The following AGBL4 variants were observed in gnomAD, a reference collection of about 807,000 sequenced individuals.
AGBL4 encodes the protein cytosolic carboxypeptidase 6.
In AGBL4, 58 loss-of-function variants were observed where a neutral mutation model predicts 66.4. That is an observed-to-expected ratio of 0.87 (90% CI 0.71 to 1.09). AGBL4 has a LOEUF of 1.09. Ranked by LOEUF, AGBL4 falls within the 50% of genes least tolerant of loss-of-function variation. AGBL4 has a pLI of 0.00. For missense variants in AGBL4, 579 were observed against 631.0 expected (o/e 0.92, Z 0.88); for synonymous variants, 234 against 222.9 (o/e 1.05, Z -0.44).
chr1:49,808,993 T>C (rs2147965208), intron 2 of AGBL4, among the ~76,000 whole-genome samples: 1 of 152,254 alleles, frequency 6.6e-6, no homozygotes, highest in South Asian at 2.1e-4. Flanking sequence ...AAAATTAACA[T>C]GGAAAAATCT....
At chr1:49,110,162 G>A (rs1384264818) in intron 4 of AGBL4, among the ~76,000 whole-genome samples, 2 of 152,050 alleles carry the variant, frequency 1.3e-5, no homozygotes, top group African/African-American at 4.8e-5. Flanking sequence ...TCCCTTCAAT[G>A]TCCACATTTA....
At chr1:48,548,140 G>A (rs1644193835) in intron 11 of AGBL4, among the ~76,000 whole-genome samples, 1 of 152,156 alleles carries the variant, frequency 6.6e-6, no homozygotes, top group African/African-American at 2.4e-5. Context: ...GAAACAAGCT[G>A]TAGACCTAAT....
At chr1:48,553,274 G>T (rs1258138767) in intron 11 of AGBL4, among the ~76,000 whole-genome samples, 1 of 152,198 alleles carries the variant, frequency 6.6e-6, no homozygotes, top group African/African-American at 2.4e-5. Flanking sequence ...TTCAACCTGA[G>T]AGGGGGCTCT....
At chr1:49,578,726 C>G (rs185610274) in intron 3 of AGBL4, among the ~76,000 whole-genome samples, 2 of 152,070 alleles carry the variant, frequency 1.3e-5, no homozygotes, top group South Asian at 2.1e-4. Context: ...TATGAAGGAT[C>G]GTTGTATTAT....
At chr1:48,764,985 C>G (rs1466587523) in intron 6 of AGBL4, among the ~76,000 whole-genome samples, 1 of 152,134 alleles carries the variant, frequency 6.6e-6, no homozygotes, top group East Asian at 1.9e-4. Flanking sequence ...CCTCATTCCC[C>G]CACCAGCTAT....
chr1:48,864,075 A>G (rs1647758243), intron 6 of AGBL4, among the ~76,000 whole-genome samples: 1 of 152,184 alleles, frequency 6.6e-6, no homozygotes, highest in African/African-American at 2.4e-5. Context: ...TACTCAGAAC[A>G]ATAAACTCCT....
intron 2 of AGBL4, among the ~76,000 whole-genome samples, chr1:49,704,086 A>G (rs938047691): frequency 2.0e-5 from 3 of 152,136 alleles, no homozygotes; most frequent in Non-Finnish European, 4.4e-5. Context: ...AGAATACCTT[A>G]AAATGGTATT....
At chr1:49,822,610 C>T (rs1645400067) in intron 2 of AGBL4, among the ~76,000 whole-genome samples, 1 of 152,206 alleles carries the variant, frequency 6.6e-6, no homozygotes. Flanking sequence ...AAATGCTCAT[C>T]TCCAGAAAGC....
At chr1:49,016,044 G>A (rs1467683533) in intron 5 of AGBL4, among the ~76,000 whole-genome samples, 2 of 152,090 alleles carry the variant, frequency 1.3e-5, no homozygotes, top group African/African-American at 4.8e-5. Flanking sequence ...TGTTAATGAC[G>A]ATTCCACAAG....
chr1:49,122,111 C>T (rs571622850), intron 4 of AGBL4, among the ~76,000 whole-genome samples: 5 of 152,378 alleles, frequency 3.3e-5, no homozygotes, highest in African/African-American at 1.2e-4. Context: ...CAGGTACACA[C>T]TGTCACAGCT....
chr1:49,921,089 G>A (rs541816632), intron 1 of AGBL4, among the ~76,000 whole-genome samples: 28 of 152,236 alleles, frequency 1.8e-4, no homozygotes, highest in African/African-American at 6.3e-4. Context: ...AGGGCCTGTC[G>A]TGGGGTGGGA....
chr1:48,882,237 A>G (rs758374311), intron 5 of AGBL4, among the ~76,000 whole-genome samples: 3 of 152,192 alleles, frequency 2.0e-5, no homozygotes, highest in Non-Finnish European at 4.4e-5. Context: ...ACAGCCTCCA[A>G]GCTTGCCACC....
chr1:48,612,107 G>C (rs1174218633), intron 9 of AGBL4, among the ~76,000 whole-genome samples: 1 of 152,258 alleles, frequency 6.6e-6, no homozygotes, highest in African/African-American at 2.4e-5. Context: ...AGTGCGGCCA[G>C]GGGCCTGCTG....
intron 3 of AGBL4, among the ~76,000 whole-genome samples, chr1:49,351,019 T>G (rs1645742483): frequency 6.6e-6 from 1 of 152,204 alleles, no homozygotes. Context: ...GGCTGTCTCA[T>G]GGAGTTTGTA....
intron 2 of AGBL4, among the ~76,000 whole-genome samples, chr1:49,723,859 G>A (rs952694766): frequency 6.6e-6 from 1 of 152,070 alleles, no homozygotes; most frequent in African/African-American, 2.4e-5. Flanking sequence ...TTCATTTACT[G>A]AATGAATTAT....
At chr1:49,552,917 T>C (rs1653084697) in intron 3 of AGBL4, among the ~76,000 whole-genome samples, 1 of 152,188 alleles carries the variant, frequency 6.6e-6, no homozygotes, top group Admixed American at 6.5e-5. Flanking sequence ...CTTCATTTTA[T>C]TATTAATTAG....
chr1:48,963,140 G>T (rs1349742308), intron 5 of AGBL4, among the ~76,000 whole-genome samples: 2 of 143,836 alleles, frequency 1.4e-5, no homozygotes, highest in African/African-American at 5.7e-5. Context: ...TGGTGCCAGT[G>T]TCTGGTGAGG....
At chr1:48,810,185 C>A (rs1201190054) in intron 6 of AGBL4, among the ~76,000 whole-genome samples, 1 of 152,192 alleles carries the variant, frequency 6.6e-6, no homozygotes, top group Non-Finnish European at 1.5e-5. Context: ...CTCCTGGGGA[C>A]ACACAGCCCC....
At chr1:48,589,009 G>A (rs895022664) in intron 10 of AGBL4, among the ~76,000 whole-genome samples, 1 of 152,138 alleles carries the variant, frequency 6.6e-6, no homozygotes, top group Non-Finnish European at 1.5e-5. Context: ...ACCCACATGA[G>A]GAGGGTCTCT....
Sources: gnomAD v4.1 joint callset for allele counts (sites outside exome capture counted in the v4.1 genomes callset) on GRCh38, gnomAD v4.1.1 for gene constraint, MANE v1.5 for transcripts, NCBI Gene and HGNC (gene_info 2026-07-23, HGNC 2026-07-21) for gene names.